The following GLG1 variants were observed in gnomAD, a reference collection of about 807,000 sequenced individuals.
The protein encoded by GLG1 is golgi glycoprotein 1.
In GLG1, 38 loss-of-function variants were observed where a neutral mutation model predicts 160.5. That is an observed-to-expected ratio of 0.24 (90% CI 0.18 to 0.31). The LOEUF is 0.31. GLG1 is among the 10% of genes least tolerant of loss of function. The pLI is 1.00. For synonymous variants in GLG1, 644 were observed against 543.4 expected, an observed-to-expected ratio of 1.19 and a Z score of -2.57; for missense variants, 1,373 against 1,505.2, an observed-to-expected ratio of 0.91 and a Z score of 1.45.
At chr16:74,547,630 T>C (rs1291237546) in intron 1 of GLG1, among the ~76,000 whole-genome samples, 1 of 152,274 alleles carries the variant, frequency 6.6e-6, no homozygotes, top group African/African-American at 2.4e-5. Flanking sequence ...TGAAAATGCT[T>C]TGAATGAAAG....
At chr16:74,527,590 G>A (rs541729485) in intron 2 of GLG1, among the ~76,000 whole-genome samples, 12 of 152,068 alleles carry the variant, frequency 7.9e-5, no homozygotes, top group South Asian at 4.2e-4. Flanking sequence ...ATAGTCATAC[G>A]TATCAATTAT....
intron 7 of GLG1, 80 bp from the exon 8 acceptor site, chr16:74,491,295 C>CAGATAGAA: frequency 1.0e-6 from 1 of 983,812 alleles, no homozygotes; most frequent in Non-Finnish European, 1.6e-6. Context: ...ATTAAAAGTA[C>CAGATAGAA]ATATTTCTAT....
At chr16:74,506,575 C>G (rs908071168) in intron 3 of GLG1, among the ~76,000 whole-genome samples, 2 of 1,904 alleles carry the variant, frequency 1.1e-3, no homozygotes, top group Non-Finnish European at 5.3e-3. Flanking sequence ...GAGCAAGACT[C>G]CGTCTCAAAA....
chr16:74,451,670 T>A lies in GLG1; in HGVS notation c.*1497A>T, dbSNP rs2014310757. On this transcript the variant is annotated 3_prime_UTR_variant, in exon 26 of 26. Coordinates refer to ENST00000422840, the MANE Select transcript of GLG1 (RefSeq NM_001145667.2). ...ACAGGTTAATAAAATATATATTACA[T>A]AAATGTCTCTCCTACTGTACACACT... 4.8e-6 allele frequency: 1 copy of A among 207,014 alleles called. No individual in the cohort carries two copies. Among genetic ancestry groups the A allele is most frequent in the Admixed American group, 5.2e-5 (1 of 19,276 alleles). The allele number at this position is 207,014 out of a possible 1,614,324, so 12.8% of individuals were successfully genotyped here.
At chr16:74,477,640 T>C in intron 11 of GLG1, 107 bp from the exon 12 acceptor site, 1 of 791,822 alleles carries the variant, frequency 1.3e-6, no homozygotes, top group Non-Finnish European at 2.0e-6. Flanking sequence ...CTGTATTTTA[T>C]CTCCCAAATT....
In GLG1 at chr16:74,607,098, G is replaced by C. The variant is rs1295857241; in HGVS notation, c.-4C>G. On this transcript the variant is annotated 5_prime_UTR_variant, in exon 1 of 26. Transcript: ENST00000422840. Reference sequence around the variant, plus strand: ...GTACACGTCCACACGCCGCCATCTTGAGTCCGCGGCGAGCTCGACGCACTC... The same window carrying C: ...GTACACGTCCACACGCCGCCATCTTCAGTCCGCGGCGAGCTCGACGCACTC... 7.2e-6 allele frequency: 11 copies of C among 1,527,848 alleles called. No homozygotes were observed. Among genetic ancestry groups the C allele is most frequent in the African/African-American group, 1.4e-5 (1 of 72,508 alleles). 94.6% of individuals were successfully genotyped at this position (1,527,848 alleles called of 1,614,324 possible).
intron 2 of GLG1, 122 bp downstream of exon 2, chr16:74,531,999 T>C (rs1251825238): frequency 2.4e-5 from 11 of 451,100 alleles, no homozygotes; most frequent in Non-Finnish European, 4.5e-5. Context: ...AAGTTTGTCA[T>C]CCTTTTAAGA....
chr16:74,570,839 A>T (rs1427674686), intron 1 of GLG1, among the ~76,000 whole-genome samples: 1 of 152,212 alleles, frequency 6.6e-6, no homozygotes, highest in African/African-American at 2.4e-5. Flanking sequence ...AGCAAGCTAC[A>T]ATCATGCCAC....
At chr16:74,602,105 G>A (rs571525581) in intron 1 of GLG1, among the ~76,000 whole-genome samples, 11 of 152,086 alleles carry the variant, frequency 7.2e-5, no homozygotes, top group Non-Finnish European at 1.6e-4. Context: ...GTTAAAAGCA[G>A]AGTATAAAAA....
At chr16:74,535,018 T>C (rs1481707104) in intron 1 of GLG1, among the ~76,000 whole-genome samples, 1 of 152,110 alleles carries the variant, frequency 6.6e-6, no homozygotes, top group African/African-American at 2.4e-5. Context: ...ACCCCTGCCA[T>C]TCCCCATGAG....
intron 4 of GLG1, among the ~76,000 whole-genome samples, chr16:74,501,894 T>A (rs1388514622): frequency 6.6e-6 from 1 of 152,228 alleles, no homozygotes; most frequent in Non-Finnish European, 1.5e-5. Flanking sequence ...GCCTGAAAGA[T>A]TTATGCCAAG....
chr16:74,603,028 TG>T (rs1293649646), intron 1 of GLG1, among the ~76,000 whole-genome samples: 1 of 151,932 alleles, frequency 6.6e-6, no homozygotes, highest in African/African-American at 2.4e-5. Context: ...AGGCAGAGGT[TG>T]CAGTGAGCCA....
Position 74,607,042 on chromosome 16 carries a change from T to C in GLG1, c.53A>G (p.His18Arg), listed in dbSNP as rs1448321282. 6.3e-7 allele frequency: 1 copy of C among 1,593,650 alleles called. No homozygotes were observed. The highest frequency in any genetic ancestry group is 8.5e-7 in the Non-Finnish European group (1 of 1,172,876). Residue 18 changes from histidine (H) to arginine (R), a missense_variant, in exon 1 of 26, where the codon CAT becomes CGT. Coordinates refer to ENST00000422840, the MANE Select transcript of GLG1 (RefSeq NM_001145667.2). ...RRMFRLSAALHLLLLFAAGAE... is the reference protein window; with the variant it reads ...RRMFRLSAALRLLLLFAAGAE... ...CCCGGCCGCGAATAGCAGCAGCAGA[T>C]GCAGCGCCGCCGACAAGCGGAACAT...
intron 1 of GLG1, among the ~76,000 whole-genome samples, chr16:74,602,500 G>A (rs892549437): frequency 1.3e-5 from 2 of 152,178 alleles, no homozygotes; most frequent in Non-Finnish European, 2.9e-5. Flanking sequence ...ATAAAAGGGC[G>A]GGGCTGGGCG....
At chr16:74,480,432 T>C (rs753170773) in intron 10 of GLG1, 38 bp from the exon 11 acceptor site, 12 of 1,502,546 alleles carry the variant, frequency 8.0e-6, no homozygotes, top group African/African-American at 4.2e-5. Flanking sequence ...CACTAATTAA[T>C]AGACATTTCC....
chr16:74,453,863 A>G (rs1230466290), intron 25 of GLG1, among the ~76,000 whole-genome samples: 2 of 145,208 alleles, frequency 1.4e-5, no homozygotes, highest in Admixed American at 1.4e-4. Flanking sequence ...CATATTCTAT[A>G]TTTTGTAAAT....
rs372372727 is a variant in GLG1 at position 74,532,146 on chromosome 16, T to C, written c.446A>G (p.Asn149Ser). The C allele has an allele frequency of 5.1e-6, 7 of 1,383,494 alleles. No individual in the cohort carries two copies. The highest frequency in any genetic ancestry group is 4.8e-6 in the Non-Finnish European group (5 of 1,032,980). 85.7% of individuals were successfully genotyped at this position (1,383,494 alleles called of 1,614,324 possible). A position where few individuals can be genotyped will look rare whatever the true frequency, so the allele number is the denominator to read the frequency against. The change falls in exon 2 of 26, where the codon AAT becomes AGT. Residue 149 changes from asparagine to serine, a missense_variant. By Grantham distance (46) the Asn-to-Ser change is conservative. Transcript: ENST00000422840. ...ATGATTGCAGTCTGAAGAAATTTCATTTTCAGGCTAGAAGAGAAAAAAAAG... is the reference window on the plus strand; with the variant it reads ...ATGATTGCAGTCTGAAGAAATTTCACTTTCAGGCTAGAAGAGAAAAAAAAG... ...ECLQDVREPENEISSDCNHLL... is the reference protein window; with the variant it reads ...ECLQDVREPESEISSDCNHLL...
rs773827034 is a variant in GLG1 at position 74,493,124 on chromosome 16, G to T, written c.1067C>A (p.Thr356Lys). Residue 356 changes from threonine to lysine, a missense_variant, in exon 7 of 26, where the codon ACA (threonine) becomes AAA (lysine). Thr to Lys is a moderately conservative substitution (Grantham distance 78, BLOSUM62 -1). Coordinates refer to ENST00000422840, the MANE Select transcript of GLG1 (RefSeq NM_001145667.2). The stretch of plus-strand genomic sequence containing the variant: ...CTGGGCAATCAGCTTTTGGCGGGTT[G>T]TAAGTGCTTCTCGACACTGAGGAAA... Reference protein sequence around the residue: ...SMSEKCREALTTRQKLIAQDY... With the variant: ...SMSEKCREALKTRQKLIAQDY... 3.1e-6 allele frequency: 5 copies of T among 1,611,490 alleles called. No individual in the cohort carries two copies. In the East Asian group the frequency reaches 6.7e-5, roughly 22 times the overall value.
At chr16:74,473,254 C>T (rs897209248) in intron 13 of GLG1, among the ~76,000 whole-genome samples, 1 of 151,816 alleles carries the variant, frequency 6.6e-6, no homozygotes, top group African/African-American at 2.4e-5. Context: ...GGCTCTGTGG[C>T]CCAGGCGGGA....
Sources: gnomAD v4.1 joint callset for allele counts (sites outside exome capture counted in the v4.1 genomes callset) on GRCh38, gnomAD v4.1.1 for gene constraint, MANE v1.5 for transcripts, NCBI Gene and HGNC (gene_info 2026-07-23, HGNC 2026-07-21) for gene names.